DYNC2H1: variants seen among roughly 807,000 people sequenced by gnomAD.
DYNC2H1 encodes the protein cytoplasmic dynein 2 heavy chain 1.
DYNC2H1 carries 410 observed loss-of-function variants against 570.0 expected under a neutral mutation model. That is an observed-to-expected ratio of 0.72 (90% CI 0.66 to 0.78). The LOEUF is 0.78. Ranked by LOEUF, DYNC2H1 falls within the 30% of genes least tolerant of loss-of-function variation. The pLI is 0.00. For missense variants in DYNC2H1, 4,865 were observed against 5,046.4 expected, an observed-to-expected ratio of 0.96 and a Z score of 1.09; for synonymous variants, 1,688 against 1,677.6, an observed-to-expected ratio of 1.01 and a Z score of -0.15.
At chr11:103,155,026 CAG>C (rs1398312950) in intron 24 of DYNC2H1, among the ~76,000 whole-genome samples, 1 of 151,882 alleles carries the variant, frequency 6.6e-6, no homozygotes, top group East Asian at 1.9e-4. Flanking sequence ...AGTTAAAAAA[CAG>C]AGTGCTTATA....
At chr11:103,478,304 G>A (rs1390474971) in intron 88 of DYNC2H1, among the ~76,000 whole-genome samples, 2 of 152,126 alleles carry the variant, frequency 1.3e-5, no homozygotes, top group African/African-American at 4.8e-5. Context: ...TAAAAAAATT[G>A]ATAAGTGGAA....
chr11:103,152,050 G>A lies in DYNC2H1; in HGVS notation c.2947-86G>A, dbSNP rs1203482340. The stretch of plus-strand genomic sequence containing the variant: ...ATCTTAATTTAAAAAATAAAGTTAT[G>A]AAACAAAAATTAAAATAAATGAAAT... On this transcript the variant is annotated intron_variant, in intron 20 of 88. Transcript: ENST00000375735. 2.3e-5 allele frequency: 30 copies of A among 1,301,730 alleles called. No individual in the cohort carries two copies. The African/African-American group carries it at 4.3e-4, about 19-fold the overall frequency. 80.6% of individuals were successfully genotyped at this position (1,301,730 alleles called of 1,614,324 possible). A position where few individuals can be genotyped will look rare whatever the true frequency, so the allele number is the denominator to read the frequency against.
intron 18 of DYNC2H1, among the ~76,000 whole-genome samples, chr11:103,144,943 T>A (rs1485684847): frequency 6.6e-6 from 1 of 151,924 alleles, no homozygotes; most frequent in Non-Finnish European, 1.5e-5. Flanking sequence ...TGTAGTGGCA[T>A]GATATATGCT....
rs748795499 is a variant in DYNC2H1, at chr11:103,257,684, A to G, written c.10538A>G (p.Asn3513Ser). The change falls in exon 69 of 89, where the codon AAT becomes AGT. Residue 3513 changes from asparagine to serine, a missense_variant. Physicochemically the swap from Asn to Ser is conservative, Grantham distance 46. This residue lies in a region of DYNC2H1 where 2,401 missense variants were observed against 2,454.6 expected (regional missense o/e 0.98). Transcript: ENST00000375735. ...ATTATTTCTGATTTGTCCAAAATTA[A>G]TAACATGTACCGTTTTAGTTTGGCT... ...YFIISDLSKI[N>S]NMYRFSLAAF... 4.6e-5 allele frequency: 74 copies of G among 1,612,980 alleles called. No homozygotes were observed. The highest frequency in any genetic ancestry group is 6.3e-5 in the Non-Finnish European group (74 of 1,179,372).
At position 103,359,668 on chromosome 11, in the gene DYNC2H1, C is replaced by CTTT. The variant is rs202022243; in HGVS notation, c.12156+1321_12156+1323dup. ...ACCCTCATTTACTTTTTTTTTTTTA[C>CTTT]TTTTTTTTTTTTTTGAGATGGAGTC... On this transcript the variant is annotated intron_variant, in intron 83 of 88. Transcript: ENST00000375735. Among the ~76,000 whole-genome samples, 201 of 129,868 alleles carry CTTT rather than the reference C, an allele frequency of 1.5e-3. 6 individuals are homozygous for CTTT. Among genetic ancestry groups the CTTT allele is most frequent in the Middle Eastern group, 4.2e-3 (1 of 240 alleles). 85.2% of individuals were successfully genotyped at this position (129,868 alleles called of 152,430 possible). A position where few individuals can be genotyped will look rare whatever the true frequency, so the allele number is the denominator to read the frequency against.
intron 47 of DYNC2H1, among the ~76,000 whole-genome samples, chr11:103,194,752 C>T (rs191881446): frequency 6.9e-4 from 105 of 152,100 alleles, no homozygotes; most frequent in Non-Finnish European, 7.4e-4. Context: ...GAGTCTCACT[C>T]TGTTTCCCAG....
chr11:103,113,441 T>C, intron 1 of DYNC2H1, 96 bp from the exon 2 acceptor site: 2 of 932,830 alleles, frequency 2.1e-6, no homozygotes. Flanking sequence ...ACTATTTTTT[T>C]CCAAGAGGTA....
intron 88 of DYNC2H1, among the ~76,000 whole-genome samples, chr11:103,476,955 A>C (rs1945571569): frequency 6.6e-6 from 1 of 152,204 alleles, no homozygotes; most frequent in Non-Finnish European, 1.5e-5. Flanking sequence ...GCAGGGAATA[A>C]GGAAAAGGCA....
intron 74 of DYNC2H1, among the ~76,000 whole-genome samples, chr11:103,287,004 A>T (rs1420654873): frequency 6.6e-6 from 1 of 152,228 alleles, no homozygotes; most frequent in Non-Finnish European, 1.5e-5. Context: ...GGAATATCAT[A>T]GATATGCATG....
In DYNC2H1 at chr11:103,261,926, C is replaced by T. The variant is rs745601669; in HGVS notation, c.10695+1949C>T. On this transcript the variant is annotated intron_variant, in intron 70 of 88. Coordinates refer to ENST00000375735, the MANE Select transcript of DYNC2H1 (RefSeq NM_001377.3). This position sits in a 1 kb window ranked among gnomAD's most constrained non-coding sequence, Gnocchi z 4.8. Reference sequence around the variant, plus strand: ...CCAAGCTAAAGGAGCATGTTCCAACCCAATGCAAGGAAGCTAAGAACCTTG... The same window carrying T: ...CCAAGCTAAAGGAGCATGTTCCAACTCAATGCAAGGAAGCTAAGAACCTTG... Among the ~76,000 whole-genome samples, 46 of 152,018 alleles carry T rather than the reference C, an allele frequency of 3.0e-4. No homozygotes were observed. The highest frequency in any genetic ancestry group is 7.2e-4 in the Admixed American group (11 of 15,262).
At chr11:103,435,875 A>G in intron 84 of DYNC2H1, 68 bp from the exon 85 acceptor site, 1 of 1,501,194 alleles carries the variant, frequency 6.7e-7, no homozygotes, top group Non-Finnish European at 9.1e-7. Flanking sequence ...CCATCACACT[A>G]GTGTTAGTAG....
In DYNC2H1 at chr11:103,203,235, G is replaced by A. The variant is rs1231158099; in HGVS notation, c.8198-428G>A. 6.6e-6 allele frequency among the ~76,000 whole-genome samples: 1 copy of A among 151,954 alleles called. No individual in the cohort carries two copies. ...GAAAGAGTGTTTAATCAGCATATGG[G>A]CAGTCAAGAAAGGCTTATGGGCATA... On this transcript the variant is annotated intron_variant, in intron 50 of 88. Coordinates refer to ENST00000375735, the MANE Select transcript of DYNC2H1 (RefSeq NM_001377.3). The surrounding 1 kb of genome is among the most constrained non-coding windows in gnomAD (Gnocchi z 4.7).
In DYNC2H1 at chr11:103,418,806, T is replaced by A. The variant is rs376598250; in HGVS notation, c.12367-17137T>A. 1.1e-4 allele frequency among the ~76,000 whole-genome samples: 17 copies of A among 152,074 alleles called. No homozygotes were observed. In the South Asian group the frequency reaches 3.5e-3, roughly 32 times the overall value. On this transcript the variant is annotated intron_variant, in intron 84 of 88. Coordinates refer to ENST00000375735, the MANE Select transcript of DYNC2H1 (RefSeq NM_001377.3). ...TCGACCCCACCTGGGAAACCACATT[T>A]CTCCCACACATCTTTGCAACCCATA...
intron 84 of DYNC2H1, among the ~76,000 whole-genome samples, chr11:103,400,990 T>A (rs1224079779): frequency 6.6e-6 from 1 of 152,232 alleles, no homozygotes; most frequent in Non-Finnish European, 1.5e-5. Context: ...AAGTTGTTTT[T>A]AATTTGGAGT....
rs2135078394 is a variant in DYNC2H1 at position 103,199,091 on chromosome 11, G to A, written c.7840-137G>A. ...GATTACCAGACATATAAAATATTGA[G>A]TGTGAGATGATATGTAGTCACTTTA... On this transcript the variant is annotated intron_variant, in intron 48 of 88. Coordinates refer to ENST00000375735, the MANE Select transcript of DYNC2H1 (RefSeq NM_001377.3). This position sits in a 1 kb window ranked among gnomAD's most constrained non-coding sequence, Gnocchi z 4.6. 1 of 530,846 alleles carries A rather than the reference G, an allele frequency of 1.9e-6. No homozygotes were observed. Among genetic ancestry groups the A allele is most frequent in the African/African-American group, 1.9e-5 (1 of 52,234 alleles). The allele number at this position is 530,846 out of a possible 1,614,324, so 32.9% of individuals were successfully genotyped here.
intron 84 of DYNC2H1, among the ~76,000 whole-genome samples, chr11:103,423,328 G>C (rs927031538): frequency 6.7e-6 from 1 of 149,978 alleles, no homozygotes; most frequent in Non-Finnish European, 1.5e-5. Flanking sequence ...TCACCAATAG[G>C]CTAAGGTAAT....
rs1049721087 is a variant in DYNC2H1, at chr11:103,203,898, A to G, written c.8311+122A>G. On this transcript the variant is annotated intron_variant, in intron 51 of 88. Coordinates refer to ENST00000375735, the MANE Select transcript of DYNC2H1 (RefSeq NM_001377.3). The surrounding 1 kb of genome is among the most constrained non-coding windows in gnomAD (Gnocchi z 4.7). The stretch of plus-strand genomic sequence containing the variant: ...CTTAAATCTTTTTTCTGGAGCTTTT[A>G]GAAAGTAACACCTAACTAGTGGATA... 3.0e-6 allele frequency: 2 copies of G among 671,314 alleles called. No homozygotes were observed. The highest frequency in any genetic ancestry group is 4.1e-4 in the Middle Eastern group (1 of 2,432). 41.6% of individuals were successfully genotyped at this position (671,314 alleles called of 1,614,324 possible).
chr11:103,135,053 T>C (rs1206494858), intron 15 of DYNC2H1, among the ~76,000 whole-genome samples: 1 of 152,134 alleles, frequency 6.6e-6, no homozygotes, highest in Non-Finnish European at 1.5e-5. Flanking sequence ...TAAATTCTTA[T>C]GAGCAATCTA....
chr11:103,314,548 A>G (rs969825176), intron 79 of DYNC2H1, among the ~76,000 whole-genome samples: 1 of 152,044 alleles, frequency 6.6e-6, no homozygotes, highest in Non-Finnish European at 1.5e-5. Context: ...TCAATTTTTA[A>G]ATGTGGAATA....
Sources: gnomAD v4.1 joint callset for allele counts (sites outside exome capture counted in the v4.1 genomes callset) on GRCh38, gnomAD v4.1.1 for gene constraint, gnomAD v4.1.1 regional missense constraint, Gnocchi (gnomAD v3.1) non-coding constraint, MANE v1.5 for transcripts, NCBI Gene and HGNC (gene_info 2026-07-23, HGNC 2026-07-21) for gene names.